Variants in CACNG3 observed in about 807,000 individuals in gnomAD.
The protein encoded by CACNG3 is voltage-dependent calcium channel gamma-3 subunit.
In CACNG3, 3 loss-of-function variants were observed where a neutral mutation model predicts 28.5. The ratio of observed to expected loss-of-function variants is 0.11; its 90% CI spans 0.05 to 0.27. CACNG3 has a LOEUF of 0.27. Ranked by LOEUF, CACNG3 falls within the 10% of genes least tolerant of loss-of-function variation. CACNG3 has a pLI of 1.00. For synonymous variants in CACNG3, 174 were observed against 162.2 expected (o/e 1.07, Z -0.55); for missense variants, 236 against 414.4 (o/e 0.57, Z 3.74).
intron 1 of CACNG3, among the ~76,000 whole-genome samples, chr16:24,276,886 G>T (rs1318104503): frequency 5.3e-5 from 8 of 152,144 alleles, no homozygotes; most frequent in African/African-American, 1.2e-4. Flanking sequence ...TGAGATTTTT[G>T]ACCAAGTTTT....
chr16:24,361,287 G>C lies in CACNG3; in HGVS notation c.437-65G>C. On this transcript the variant is annotated intron_variant, in intron 3 of 3. Transcript: ENST00000005284. The surrounding 1 kb of genome is among the most constrained non-coding windows in gnomAD (Gnocchi z 6.8). ...TCCACATTTTCTATAAATATTTTAA[G>C]ATGGAAAGTGACAGTTCTCTCCGAG... 1 of 1,234,132 alleles carries C rather than the reference G, an allele frequency of 8.1e-7. No homozygotes were observed. Among genetic ancestry groups the C allele is most frequent in the Non-Finnish European group, 1.1e-6 (1 of 878,288 alleles). 76.4% of individuals were successfully genotyped at this position (1,234,132 alleles called of 1,614,324 possible). A position where few individuals can be genotyped will look rare whatever the true frequency, so the allele number is the denominator to read the frequency against.
chr16:24,351,383 C>A (rs940290044), intron 2 of CACNG3, among the ~76,000 whole-genome samples: 2 of 151,788 alleles, frequency 1.3e-5, no homozygotes, highest in Non-Finnish European at 2.9e-5. Flanking sequence ...ACCAACCAGA[C>A]CAATATGGTG....
chr16:24,348,200 C>T (rs1325427754), intron 2 of CACNG3, among the ~76,000 whole-genome samples: 2 of 151,976 alleles, frequency 1.3e-5, no homozygotes, highest in Non-Finnish European at 2.9e-5. Flanking sequence ...GAGTTCAAGA[C>T]CAGTCTGGGC....
At chr16:24,339,391 T>TAGA (rs1192516909) in intron 1 of CACNG3, among the ~76,000 whole-genome samples, 5 of 151,964 alleles carry the variant, frequency 3.3e-5, no homozygotes, top group African/African-American at 1.2e-4. Context: ...TTCTTCCTTT[T>TAGA]TTTTTTTTTT....
chr16:24,297,604 C>T (rs966577266), intron 1 of CACNG3, among the ~76,000 whole-genome samples: 5 of 152,144 alleles, frequency 3.3e-5, no homozygotes, highest in African/African-American at 7.2e-5. Flanking sequence ...CCTCCAGACT[C>T]GATAGCCTGA....
At chr16:24,274,824 C>T (rs140096173) in intron 1 of CACNG3, among the ~76,000 whole-genome samples, 126 of 152,230 alleles carry the variant, frequency 8.3e-4, no homozygotes, top group Non-Finnish European at 1.5e-3. Flanking sequence ...CCTCGTGGGA[C>T]GTTAGACTCG....
chr16:24,296,100 AG>A (rs1191440272), intron 1 of CACNG3, among the ~76,000 whole-genome samples: 1 of 152,152 alleles, frequency 6.6e-6, no homozygotes, highest in Non-Finnish European at 1.5e-5. Flanking sequence ...TTCAGGTCCA[AG>A]TCTGCCCCCA....
chr16:24,353,576 C>T (rs986711580), intron 2 of CACNG3, among the ~76,000 whole-genome samples: 4 of 152,148 alleles, frequency 2.6e-5, no homozygotes, highest in Admixed American at 1.3e-4. Context: ...GACTCTGCTT[C>T]GACTCCTCAG....
chr16:24,305,578 T>C lies in CACNG3; in HGVS notation c.212-41156T>C, dbSNP rs151286018. On this transcript the variant is annotated intron_variant, in intron 1 of 3. Coordinates refer to ENST00000005284, the MANE Select transcript of CACNG3 (RefSeq NM_006539.4). ...GAACAGAAAACCAAACGTTCACTCATAAGTGGGAGCTGAACAATGAGAACA... is the reference window on the plus strand; with the variant it reads ...GAACAGAAAACCAAACGTTCACTCACAAGTGGGAGCTGAACAATGAGAACA... 2.5e-3 allele frequency among the ~76,000 whole-genome samples: 376 copies of C among 152,142 alleles called. 1 individual carries two copies. The highest frequency in any genetic ancestry group is 8.5e-3 in the African/African-American group (354 of 41,510).
At chr16:24,286,585 C>G (rs1282678749) in intron 1 of CACNG3, among the ~76,000 whole-genome samples, 3 of 152,198 alleles carry the variant, frequency 2.0e-5, no homozygotes, top group African/African-American at 7.2e-5. Flanking sequence ...CCAGAGGACA[C>G]TGCTCTGAGA....
In CACNG3 at chr16:24,256,698, C is replaced by CT. The variant is rs1898464368; in HGVS notation, c.-56dup. 8.4e-7 allele frequency: 1 copy of CT among 1,183,488 alleles called. No individual in the cohort carries two copies. The highest frequency in any genetic ancestry group is 1.7e-5 in the Admixed American group (1 of 59,442). 73.3% of individuals were successfully genotyped at this position (1,183,488 alleles called of 1,614,324 possible). On this transcript the variant is annotated 5_prime_UTR_variant, in exon 1 of 4. Coordinates refer to ENST00000005284, the MANE Select transcript of CACNG3 (RefSeq NM_006539.4). The surrounding 1 kb of genome is among the most constrained non-coding windows in gnomAD (Gnocchi z 4.6). Reference sequence around the variant, plus strand: ...TACCCGGCTGCAGAGTGATTTTCCCCTCCGGCACTGACTCTCCCCCTCCAA... The same window carrying CT: ...TACCCGGCTGCAGAGTGATTTTCCCCTTCCGGCACTGACTCTCCCCCTCCAA...
intron 1 of CACNG3, among the ~76,000 whole-genome samples, chr16:24,303,015 A>C (rs908446169): frequency 1.3e-5 from 2 of 151,866 alleles, no homozygotes; most frequent in African/African-American, 4.8e-5. Flanking sequence ...GCTGGTTTTG[A>C]GCTCTTGGGC....
intron 1 of CACNG3, among the ~76,000 whole-genome samples, chr16:24,342,546 GTTGTTA>G: frequency 6.6e-6 from 1 of 152,068 alleles, no homozygotes; most frequent in Non-Finnish European, 1.5e-5. Flanking sequence ...CAGCAAAATT[GTTGTTA>G]AACAGCCAGA....
intron 1 of CACNG3, among the ~76,000 whole-genome samples, chr16:24,287,144 G>A (rs1898905388): frequency 6.6e-6 from 1 of 152,170 alleles, no homozygotes; most frequent in Non-Finnish European, 1.5e-5. Flanking sequence ...ACAAACTGAA[G>A]CAATTAAGAG....
chr16:24,325,052 C>A (rs1262966212), intron 1 of CACNG3, among the ~76,000 whole-genome samples: 1 of 152,154 alleles, frequency 6.6e-6, no homozygotes, highest in African/African-American at 2.4e-5. Flanking sequence ...CAAGAGTGCT[C>A]TATGTCATGC....
rs150349303 is a variant in CACNG3 at position 24,315,795 on chromosome 16, A to G, written c.212-30939A>G. Among the ~76,000 whole-genome samples, 355 of 152,160 alleles carry G rather than the reference A, an allele frequency of 2.3e-3. 2 individuals carry two copies. Among genetic ancestry groups the G allele is most frequent in the African/African-American group, 8.3e-3 (346 of 41,516 alleles). ...TGCCTCAGTCTCCCAAGTAGCTGGGATTACAGGCATCCACTACAATGCCCA... is the reference window on the plus strand; with the variant it reads ...TGCCTCAGTCTCCCAAGTAGCTGGGGTTACAGGCATCCACTACAATGCCCA... On this transcript the variant is annotated intron_variant, in intron 1 of 3. Coordinates refer to ENST00000005284, the MANE Select transcript of CACNG3 (RefSeq NM_006539.4).
intron 1 of CACNG3, among the ~76,000 whole-genome samples, chr16:24,295,214 G>A (rs1011288739): frequency 2.6e-5 from 4 of 152,114 alleles, no homozygotes; most frequent in East Asian, 1.9e-4. Context: ...CAGACTTGCC[G>A]CCTGAACTGG....
At chr16:24,259,461 A>G (rs139251589) in intron 1 of CACNG3, among the ~76,000 whole-genome samples, 1 of 152,160 alleles carries the variant, frequency 6.6e-6, no homozygotes. Context: ...TCTTACCTAC[A>G]CCTGAGCCTC....
intron 1 of CACNG3, among the ~76,000 whole-genome samples, chr16:24,314,512 G>A (rs767097604): frequency 6.6e-6 from 1 of 152,146 alleles, no homozygotes; most frequent in African/African-American, 2.4e-5. Flanking sequence ...CCTTGTGCTC[G>A]TGGATGAATC....
Sources: allele counts gnomAD v4.1 joint callset (sites outside exome capture counted in the v4.1 genomes callset), GRCh38; gene constraint gnomAD v4.1.1; non-coding constraint Gnocchi (gnomAD v3.1); transcripts MANE v1.5; gene names NCBI Gene and HGNC (gene_info 2026-07-23, HGNC 2026-07-21).